TRIM9: variants seen among roughly 807,000 people sequenced by gnomAD.
TRIM9 encodes the protein E3 ubiquitin-protein ligase TRIM9.
A neutral mutation model predicts 78.3 loss-of-function variants in TRIM9; 26 were observed. That is an observed-to-expected ratio of 0.33 (90% CI 0.24 to 0.46). TRIM9 has a LOEUF of 0.46. Among genes scored for constraint, TRIM9 ranks in the 20% least tolerant of loss-of-function variants. TRIM9 has a pLI of 1.00. For missense variants in TRIM9, 787 were observed against 1,036.4 expected (o/e 0.76, Z 3.30); for synonymous variants, 398 against 416.5 (o/e 0.96, Z 0.54).
rs1191869282 is a variant in TRIM9 at position 51,087,201 on chromosome 14, C to A, written c.822+6917G>T. On this transcript the variant is annotated intron_variant, in intron 1 of 12. Transcript: ENST00000684578. ...TTTGGTCTAAGAAACTGGGGGAGGG[C>A]AAGCGTAGTGGACAGGAAGGGAGGG... 2.0e-5 allele frequency among the ~76,000 whole-genome samples: 3 copies of A among 151,774 alleles called. No individual in the cohort carries two copies. In the East Asian group the frequency reaches 5.8e-4, roughly 29 times the overall value.
intron 12 of TRIM9, chr14:50,979,068 C>A: frequency 3.0e-6 from 4 of 1,321,474 alleles, no homozygotes; most frequent in South Asian, 2.5e-5. Flanking sequence ...TGTTTTCATG[C>A]CAGTTGGTTA....
At position 50,982,270 on chromosome 14, in the gene TRIM9, C is replaced by T. The variant is rs149340182; in HGVS notation, c.1859-167G>A. Reference sequence around the variant, plus strand: ...CAGGGGCACGTCCTGGGAGTTGGTACTCTCTGCACCAGAAGCAGACGGAGG... The same window carrying T: ...CAGGGGCACGTCCTGGGAGTTGGTATTCTCTGCACCAGAAGCAGACGGAGG... On this transcript the variant is annotated intron_variant, in intron 10 of 12. Coordinates refer to ENST00000684578, the MANE Select transcript of TRIM9 (RefSeq NM_001387360.1). The T allele has an allele frequency of 1.3e-3, 877 of 700,338 alleles. 8 individuals are homozygous for T. In the African/African-American group the frequency reaches 0.013, roughly 10 times the overall value. 43.4% of individuals were successfully genotyped at this position (700,338 alleles called of 1,614,324 possible).
At position 51,004,692 on chromosome 14, in the gene TRIM9, T is replaced by G. The variant is rs555416919; in HGVS notation, c.1307-3852A>C. Among the ~76,000 whole-genome samples, 3 of 152,318 alleles carry G rather than the reference T, an allele frequency of 2.0e-5. No homozygotes were observed. In the South Asian group the frequency reaches 6.2e-4, roughly 32 times the overall value. ...AAGAAGGTATTGCAATTATCTTTAT[T>G]GTGCAGCTGAGGAAATGGAAACACA... On this transcript the variant is annotated intron_variant, in intron 5 of 12. Transcript: ENST00000684578.
At chr14:51,033,129 G>A (rs773383325) in intron 1 of TRIM9, among the ~76,000 whole-genome samples, 11 of 151,980 alleles carry the variant, frequency 7.2e-5, no homozygotes, top group Non-Finnish European at 1.3e-4. Context: ...TCGCTCTGTC[G>A]CCCAGGCTGG....
At chr14:50,998,000 T>C in intron 7 of TRIM9, 50 bp downstream of exon 7, 1 of 1,611,708 alleles carries the variant, frequency 6.2e-7, no homozygotes, top group Non-Finnish European at 8.5e-7. Flanking sequence ...GCCAGCCACT[T>C]TAGATGCCAC....
intron 1 of TRIM9, among the ~76,000 whole-genome samples, chr14:51,073,416 A>G (rs145781731): frequency 6.6e-6 from 1 of 152,374 alleles, no homozygotes; most frequent in African/African-American, 2.4e-5. Flanking sequence ...CACCAATGAC[A>G]GAATGGATAA....
At chr14:51,034,991 G>T (rs1183815355) in intron 1 of TRIM9, among the ~76,000 whole-genome samples, 1 of 152,174 alleles carries the variant, frequency 6.6e-6, no homozygotes, top group Non-Finnish European at 1.5e-5. Flanking sequence ...GCTATTGAAA[G>T]GGGGTAGTAA....
chr14:51,074,263 A>T (rs1020576726), intron 1 of TRIM9, among the ~76,000 whole-genome samples: 1 of 152,334 alleles, frequency 6.6e-6, no homozygotes, highest in Non-Finnish European at 1.5e-5. Flanking sequence ...TACAAAAAAA[A>T]AGTAATGGAA....
intron 7 of TRIM9, chr14:50,996,656 G>C (rs17796649): frequency 0.016 from 15,446 of 985,434 alleles, 168 homozygotes; most frequent in Admixed American, 0.04. Flanking sequence ...ATCTAGGAAA[G>C]ACTCTTGGAG....
rs1429299211 is a variant in TRIM9 at position 51,094,391 on chromosome 14, T to C, written c.549A>G (p.Glu183=). The change falls in exon 1 of 13, where the codon GAA becomes GAG. Residue 183 remains glutamate (E), a synonymous_variant. Transcript: ENST00000684578. The stretch of plus-strand genomic sequence containing the variant: ...GATCGCAGTAGAAGACATCGCACTG[T>C]TCGCACATGACGGTGGCTTCCTTGG... The part of the protein sequence containing the change: ...KAPKEATVMC[E]QCDVFYCDPC... 2.1e-5 allele frequency: 34 copies of C among 1,613,772 alleles called. No homozygotes were observed. Among genetic ancestry groups the C allele is most frequent in the Non-Finnish European group, 2.7e-5 (32 of 1,179,994 alleles).
At chr14:51,012,388 T>C (rs2056685495) in intron 3 of TRIM9, among the ~76,000 whole-genome samples, 1 of 152,252 alleles carries the variant, frequency 6.6e-6, no homozygotes, top group East Asian at 1.9e-4. Flanking sequence ...GATTCAACCA[T>C]GTTGTAGCAT....
chr14:51,086,830 T>C (rs2063798070), intron 1 of TRIM9, among the ~76,000 whole-genome samples: 1 of 151,884 alleles, frequency 6.6e-6, no homozygotes, highest in Admixed American at 6.6e-5. Context: ...AACCACGGAG[T>C]GGATGAGTTT....
chr14:51,000,554 G>A (rs2139514726), intron 6 of TRIM9, 129 bp downstream of exon 6: 2 of 1,267,966 alleles, frequency 1.6e-6, no homozygotes, highest in Admixed American at 2.3e-5. Context: ...CAGGTGAAGG[G>A]CAGGCAGGCC....
chr14:51,046,607 T>C (rs1041145751), intron 1 of TRIM9, among the ~76,000 whole-genome samples: 1 of 152,192 alleles, frequency 6.6e-6, no homozygotes, highest in South Asian at 2.1e-4. Context: ...ATGGAGAATT[T>C]TAAAAATTTC....
At chr14:51,042,940 A>G (rs576236388) in intron 1 of TRIM9, among the ~76,000 whole-genome samples, 6 of 152,328 alleles carry the variant, frequency 3.9e-5, no homozygotes, top group African/African-American at 1.4e-4. Context: ...AAATATATAC[A>G]TATACATACA....
At chr14:51,020,679 A>G (rs558337791) in intron 3 of TRIM9, among the ~76,000 whole-genome samples, 85 of 152,376 alleles carry the variant, frequency 5.6e-4, no homozygotes, top group African/African-American at 1.9e-3. Context: ...CTGCAGCCAC[A>G]GCACAGTCCT....
At chr14:51,061,148 C>T (rs1390066064) in intron 1 of TRIM9, among the ~76,000 whole-genome samples, 3 of 151,764 alleles carry the variant, frequency 2.0e-5, no homozygotes, top group Non-Finnish European at 2.9e-5. Context: ...CGTGGTGGCT[C>T]ACGCCTGTAA....
At chr14:51,037,516 AG>A (rs1259967454) in intron 1 of TRIM9, among the ~76,000 whole-genome samples, 1 of 152,086 alleles carries the variant, frequency 6.6e-6, no homozygotes, top group African/African-American at 2.4e-5. Flanking sequence ...GAAAAGAAAG[AG>A]GGGGCTTTTT....
chr14:51,018,831 A>C (rs962379206), intron 3 of TRIM9, among the ~76,000 whole-genome samples: 1 of 152,060 alleles, frequency 6.6e-6, no homozygotes, highest in African/African-American at 2.4e-5. Flanking sequence ...TAACTGTAAC[A>C]TTTTTTTTCT....
Sources: allele counts gnomAD v4.1 joint callset (sites outside exome capture counted in the v4.1 genomes callset), GRCh38; gene constraint gnomAD v4.1.1; transcripts MANE v1.5; gene names NCBI Gene and HGNC (gene_info 2026-07-23, HGNC 2026-07-21).